The following HS6ST3 variants were observed in gnomAD, a reference collection of about 807,000 sequenced individuals.
The protein encoded by HS6ST3 is heparan-sulfate 6-O-sulfotransferase 3.
In HS6ST3, 12 loss-of-function variants were observed where a neutral mutation model predicts 36.7. That is an observed-to-expected ratio of 0.33 (90% CI 0.21 to 0.53). The LOEUF (loss-of-function observed/expected upper bound fraction) is 0.53, where lower values mean the gene tolerates loss of function less well. Ranked by LOEUF, HS6ST3 falls within the 20% of genes least tolerant of loss-of-function variation. The pLI is 0.95. For missense variants in HS6ST3, 584 were observed against 640.9 expected, an observed-to-expected ratio of 0.91 and a Z score of 0.96; for synonymous variants, 240 against 257.5, an observed-to-expected ratio of 0.93 and a Z score of 0.65.
chr13:96,260,087 A>C (rs2054656580), intron 1 of HS6ST3, among the ~76,000 whole-genome samples: 1 of 152,160 alleles, frequency 6.6e-6, no homozygotes, highest in Non-Finnish European at 1.5e-5. Flanking sequence ...TACTGTCAAA[A>C]ATAATGAAAG....
chr13:96,585,847 G>T (rs902208587), intron 1 of HS6ST3, among the ~76,000 whole-genome samples: 3 of 152,082 alleles, frequency 2.0e-5, no homozygotes, highest in Non-Finnish European at 2.9e-5. Context: ...TTGTCCATTT[G>T]TCCACTGATG....
chr13:96,633,194 G>A (rs527581428), intron 1 of HS6ST3, among the ~76,000 whole-genome samples: 21 of 152,160 alleles, frequency 1.4e-4, no homozygotes, highest in African/African-American at 4.6e-4. Context: ...CTTGGACTTC[G>A]GCATGGAAAG....
At chr13:96,734,536 A>C (rs1251573548) in intron 1 of HS6ST3, among the ~76,000 whole-genome samples, 1 of 152,232 alleles carries the variant, frequency 6.6e-6, no homozygotes, top group Non-Finnish European at 1.5e-5. Context: ...TGAACATTAC[A>C]TTCCAATCAT....
chr13:96,098,617 T>A (rs146242890), intron 1 of HS6ST3, among the ~76,000 whole-genome samples: 93 of 152,046 alleles, frequency 6.1e-4, no homozygotes, highest in Admixed American at 2.9e-3. Context: ...AGCCCAGGAG[T>A]TCGAGACCAG....
intron 1 of HS6ST3, among the ~76,000 whole-genome samples, chr13:96,173,669 T>TA (rs5805954): frequency 0.8 from 76,134 of 94,830 alleles, 31,067 homozygotes; most frequent in African/African-American, 0.81. Context: ...TCACAGGTTG[T>TA]AAAAAAAAAA....
chr13:96,434,652 A>G (rs1191845867), intron 1 of HS6ST3, among the ~76,000 whole-genome samples: 2 of 151,838 alleles, frequency 1.3e-5, no homozygotes, highest in Non-Finnish European at 2.9e-5. Flanking sequence ...AAGCTCTGCC[A>G]AGATCCAGGC....
At chr13:96,107,420 A>G (rs909232480) in intron 1 of HS6ST3, among the ~76,000 whole-genome samples, 3 of 152,138 alleles carry the variant, frequency 2.0e-5, no homozygotes, top group Non-Finnish European at 2.9e-5. Flanking sequence ...CCATGAGAAT[A>G]TTGATGTCAA....
At chr13:96,805,400 T>C (rs1168310070) in intron 1 of HS6ST3, among the ~76,000 whole-genome samples, 3 of 152,208 alleles carry the variant, frequency 2.0e-5, no homozygotes, top group Non-Finnish European at 4.4e-5. Flanking sequence ...GATTTTAAGT[T>C]TCCTGAGGTC....
At chr13:96,156,161 G>T (rs568121519) in intron 1 of HS6ST3, among the ~76,000 whole-genome samples, 4 of 152,162 alleles carry the variant, frequency 2.6e-5, no homozygotes, top group Admixed American at 1.3e-4. Flanking sequence ...ATAGAAGCCC[G>T]TTGAGGAAGA....
At chr13:96,406,353 C>T (rs1479204570) in intron 1 of HS6ST3, among the ~76,000 whole-genome samples, 1 of 152,170 alleles carries the variant, frequency 6.6e-6, no homozygotes, top group Non-Finnish European at 1.5e-5. Context: ...CTAGTGAGTA[C>T]AACCATTACC....
chr13:96,408,486 T>G (rs1192719291), intron 1 of HS6ST3, among the ~76,000 whole-genome samples: 6 of 152,182 alleles, frequency 3.9e-5, no homozygotes, highest in African/African-American at 1.4e-4. Context: ...TGAGCATCAT[T>G]TGCACATATT....
chr13:96,614,320 A>T lies in HS6ST3; in HGVS notation c.708-218170A>T, dbSNP rs891567054. Among the ~76,000 whole-genome samples, 368 of 148,670 alleles carry T rather than the reference A, an allele frequency of 2.5e-3. 4 individuals carry two copies. The highest frequency in any genetic ancestry group is 7.2e-3 in the African/African-American group (281 of 39,158). On this transcript the variant is annotated intron_variant, in intron 1 of 1. Coordinates refer to ENST00000376705, the MANE Select transcript of HS6ST3 (RefSeq NM_153456.4). ...CTCAAAAAAAAAAAAAAAAAAAAAA[A>T]AAAAAAAACAGTTATTACCAGAGTG...
At chr13:96,347,017 G>A (rs769588309) in intron 1 of HS6ST3, among the ~76,000 whole-genome samples, 8 of 152,066 alleles carry the variant, frequency 5.3e-5, no homozygotes, top group Non-Finnish European at 8.8e-5. Context: ...GTGAGAAGCC[G>A]AATCCTGCAA....
At chr13:96,744,574 A>C (rs1876519434) in intron 1 of HS6ST3, among the ~76,000 whole-genome samples, 1 of 152,082 alleles carries the variant, frequency 6.6e-6, no homozygotes, top group African/African-American at 2.4e-5. Context: ...CGTATGAATA[A>C]CTGTTTGACA....
At chr13:96,758,796 T>C (rs1032656914) in intron 1 of HS6ST3, among the ~76,000 whole-genome samples, 1 of 151,934 alleles carries the variant, frequency 6.6e-6, no homozygotes, top group African/African-American at 2.4e-5. Flanking sequence ...GGTGAACTTT[T>C]CATTTTGCAT....
chr13:96,145,289 A>C (rs1012561737), intron 1 of HS6ST3, among the ~76,000 whole-genome samples: 11 of 150,654 alleles, frequency 7.3e-5, no homozygotes, highest in Non-Finnish European at 1.3e-4. Context: ...AAGTGTTCCT[A>C]TTTCTCCACA....
intron 1 of HS6ST3, among the ~76,000 whole-genome samples, chr13:96,346,657 T>C (rs1250302812): frequency 6.6e-6 from 1 of 151,942 alleles, no homozygotes; most frequent in Non-Finnish European, 1.5e-5. Context: ...TGCTAGAGAA[T>C]TGGAAATGTG....
At chr13:96,705,423 T>C (rs1181738835) in intron 1 of HS6ST3, among the ~76,000 whole-genome samples, 1 of 152,134 alleles carries the variant, frequency 6.6e-6, no homozygotes, top group African/African-American at 2.4e-5. Flanking sequence ...CAGGTGATAA[T>C]ATTCATGGGA....
intron 1 of HS6ST3, among the ~76,000 whole-genome samples, chr13:96,668,455 C>CATTAT (rs1226707198): frequency 3.3e-5 from 5 of 152,094 alleles, no homozygotes; most frequent in Non-Finnish European, 7.4e-5. Flanking sequence ...TGCTTCCTGA[C>CATTAT]ATAATAAGAC....
Sources: allele counts gnomAD v4.1 joint callset (sites outside exome capture counted in the v4.1 genomes callset), GRCh38; gene constraint gnomAD v4.1.1; transcripts MANE v1.5; gene names NCBI Gene and HGNC (gene_info 2026-07-23, HGNC 2026-07-21).